The following DPH6 variants were observed in gnomAD, a reference collection of about 807,000 sequenced individuals.
DPH6 encodes diphthine--ammonia ligase.
A neutral mutation model predicts 38.2 loss-of-function variants in DPH6; 33 were observed. The ratio of observed to expected loss-of-function variants is 0.86; its 90% CI spans 0.65 to 1.15. The LOEUF is 1.15. Among genes scored for constraint, DPH6 ranks in the 50% most tolerant of loss-of-function variants. The pLI, the probability that DPH6 is intolerant of heterozygous loss-of-function variation, is 0.00. For missense variants in DPH6, 325 were observed against 320.0 expected (o/e 1.02, Z -0.12); for synonymous variants, 108 against 103.0 (o/e 1.05, Z -0.30).
intron 3 of DPH6, among the ~76,000 whole-genome samples, chr15:35,270,786 G>A (rs537542187): frequency 6.6e-6 from 1 of 152,280 alleles, no homozygotes; most frequent in African/African-American, 2.4e-5. Context: ...TCCTAATAAG[G>A]AAATGAGAAG....
At chr15:35,264,748 T>C (rs1000315123) in intron 3 of DPH6, among the ~76,000 whole-genome samples, 6 of 152,146 alleles carry the variant, frequency 3.9e-5, no homozygotes, top group African/African-American at 2.4e-5. Context: ...TCAACAAACA[T>C]TTACTGAGCT....
chr15:35,399,731 G>A (rs1308473016), intron 6 of DPH6, among the ~76,000 whole-genome samples: 2 of 152,176 alleles, frequency 1.3e-5, no homozygotes, highest in Non-Finnish European at 2.9e-5. Context: ...AGGCAATGAA[G>A]CAATACTATC....
At chr15:35,233,957 T>C (rs2140394712) in intron 3 of DPH6, among the ~76,000 whole-genome samples, 1 of 152,350 alleles carries the variant, frequency 6.6e-6, no homozygotes, top group African/African-American at 2.4e-5. Flanking sequence ...ATTTATTTTA[T>C]AGTATTTATC....
At chr15:35,180,601 C>T in the DPH6 span, among the ~76,000 whole-genome samples, 1 of 152,140 alleles carries the variant, frequency 6.6e-6, no homozygotes, top group Non-Finnish European at 1.5e-5. Flanking sequence ...GCTGGAACTA[C>T]AAGTGTGTGC....
At chr15:35,228,067 A>C (rs1407621323) in intron 3 of DPH6, among the ~76,000 whole-genome samples, 2 of 152,160 alleles carry the variant, frequency 1.3e-5, no homozygotes, top group African/African-American at 4.8e-5. Context: ...AGAAAGATTC[A>C]TGTTCTAAAG....
intron 3 of DPH6, among the ~76,000 whole-genome samples, chr15:35,242,059 T>TC (rs2051603731): frequency 1.4e-5 from 2 of 144,638 alleles, no homozygotes; most frequent in Admixed American, 7.4e-5. Flanking sequence ...GCACCCGTCA[T>TC]CCCAGCCTCT....
At chr15:35,521,483 G>A in intron 3 of DPH6, 1 of 1,204,338 alleles carries the variant, frequency 8.3e-7, no homozygotes, top group Non-Finnish European at 1.0e-6. Flanking sequence ...CAAAATTAAT[G>A]CTTACAACAG....
intron 3 of DPH6, among the ~76,000 whole-genome samples, chr15:35,313,623 T>C (rs1951059821): frequency 6.6e-6 from 1 of 152,196 alleles, no homozygotes; most frequent in African/African-American, 2.4e-5. Context: ...GTTTCCTTGA[T>C]TTTCTTCTCA....
intron 3 of DPH6, among the ~76,000 whole-genome samples, chr15:35,336,587 A>T (rs1171253922): frequency 1.3e-5 from 2 of 152,280 alleles, no homozygotes; most frequent in East Asian, 1.9e-4. Context: ...TGGGTTTGTC[A>T]TAGATAGCTC....
chr15:35,153,268 C>T, the DPH6 span, among the ~76,000 whole-genome samples: 1 of 152,182 alleles, frequency 6.6e-6, no homozygotes. Flanking sequence ...AGAAAAAAAC[C>T]TGCCAACTTC....
chr15:35,320,107 T>C (rs2052226806), intron 3 of DPH6, among the ~76,000 whole-genome samples: 1 of 152,190 alleles, frequency 6.6e-6, no homozygotes, highest in Admixed American at 6.5e-5. Context: ...ACGAATCATT[T>C]CATTTTCATG....
At chr15:35,522,415 A>C (rs976767738) in intron 3 of DPH6, 1 of 779,880 alleles carries the variant, frequency 1.3e-6, no homozygotes, top group Non-Finnish European at 1.9e-6. Context: ...CAGGACTGCA[A>C]GTGAATGAAA....
the DPH6 span, among the ~76,000 whole-genome samples, chr15:35,174,020 T>C: frequency 2.0e-5 from 3 of 152,210 alleles, no homozygotes; most frequent in East Asian, 5.8e-4. Context: ...CTTGCCTCCA[T>C]GGAGCTTGCA....
intron 3 of DPH6, chr15:35,520,156 T>C: frequency 3.3e-6 from 1 of 301,504 alleles, no homozygotes; most frequent in African/African-American, 2.3e-5. Context: ...CAATTCCATT[T>C]GTCCCTTCTT....
chr15:35,184,516 G>C, the DPH6 span, among the ~76,000 whole-genome samples: 3 of 151,884 alleles, frequency 2.0e-5, no homozygotes, highest in Non-Finnish European at 4.4e-5. Context: ...AAGGTCAAAA[G>C]GATCATTATA....
chr15:35,284,663 T>C (rs1440169511), intron 3 of DPH6, among the ~76,000 whole-genome samples: 1 of 151,286 alleles, frequency 6.6e-6, no homozygotes, highest in East Asian at 1.9e-4. Context: ...ATACTTCCTT[T>C]CCCTACAGTC....
chr15:35,485,703 A>G (rs947591557), intron 3 of DPH6, among the ~76,000 whole-genome samples: 1 of 152,186 alleles, frequency 6.6e-6, no homozygotes, highest in Admixed American at 6.5e-5. Flanking sequence ...TTTGGATATA[A>G]TACTTTGAGT....
chr15:35,357,369 T>C (rs1349457591), intron 3 of DPH6, among the ~76,000 whole-genome samples: 2 of 152,258 alleles, frequency 1.3e-5, no homozygotes, highest in Non-Finnish European at 2.9e-5. Flanking sequence ...ATCTTCTGCG[T>C]TGCTCACACT....
chr15:35,373,617 C>T lies in DPH6; in HGVS notation c.663-9G>A. The T allele has an allele frequency of 6.2e-7, 1 of 1,600,760 alleles. No homozygotes were observed. ...CTACTTCTGATGAATCCCTGAAATACAAAAATTTTACAATACATTTATATG... is the reference window on the plus strand; with the variant it reads ...CTACTTCTGATGAATCCCTGAAATATAAAAATTTTACAATACATTTATATG... On this transcript the variant is annotated splice_polypyrimidine_tract_variant and intron_variant, in intron 7 of 8. Transcript: ENST00000256538.
Sources: gnomAD v4.1 joint callset for allele counts (sites outside exome capture counted in the v4.1 genomes callset) on GRCh38, gnomAD v4.1.1 for gene constraint, MANE v1.5 for transcripts, NCBI Gene and HGNC (gene_info 2026-07-23, HGNC 2026-07-21) for gene names.